Variants in HPCAL1 observed in about 807,000 individuals in gnomAD.
HPCAL1 encodes hippocalcin like 1.
A neutral mutation model predicts 17.1 loss-of-function variants in HPCAL1; 8 were observed. The ratio of observed to expected loss-of-function variants is 0.47; its 90% CI spans 0.27 to 0.84. HPCAL1 has a LOEUF of 0.84. Ranked by LOEUF, HPCAL1 falls within the 40% of genes least tolerant of loss-of-function variation. The pLI, the probability that HPCAL1 is intolerant of heterozygous loss-of-function variation, is 0.13. For synonymous variants in HPCAL1, 112 were observed against 111.4 expected (o/e 1.01, Z -0.03); for missense variants, 165 against 271.1 (o/e 0.61, Z 2.75).
chr2:10,372,693 G>A (rs941497382), intron 1 of HPCAL1, among the ~76,000 whole-genome samples: 6 of 152,180 alleles, frequency 3.9e-5, no homozygotes, highest in Non-Finnish European at 7.4e-5. Context: ...GGGTCCCATC[G>A]CTCTCCGTCA....
chr2:10,329,900 A>G (rs1033545631), intron 1 of HPCAL1, among the ~76,000 whole-genome samples: 4 of 152,252 alleles, frequency 2.6e-5, no homozygotes, highest in African/African-American at 9.6e-5. Flanking sequence ...AGACAGCTCC[A>G]GGCCCTGCCT....
chr2:10,308,973 G>T (rs1038772943), intron 1 of HPCAL1, among the ~76,000 whole-genome samples: 2 of 152,132 alleles, frequency 1.3e-5, no homozygotes, highest in Non-Finnish European at 2.9e-5. Flanking sequence ...GGGTGCTGAG[G>T]TGGGAGGATT....
chr2:10,309,699 C>T (rs1037496846), intron 1 of HPCAL1, among the ~76,000 whole-genome samples: 12 of 152,176 alleles, frequency 7.9e-5, no homozygotes, highest in South Asian at 2.1e-4. Flanking sequence ...TGGGGGAGGG[C>T]GTTGAATGCA....
intron 1 of HPCAL1, among the ~76,000 whole-genome samples, chr2:10,392,065 C>T (rs888298164): frequency 7.2e-5 from 11 of 151,726 alleles, no homozygotes; most frequent in South Asian, 2.1e-4. Context: ...TTTTTTAAGA[C>T]GTGGTCTCGA....
intron 1 of HPCAL1, among the ~76,000 whole-genome samples, chr2:10,318,272 G>A (rs2125397260): frequency 6.6e-6 from 1 of 152,226 alleles, no homozygotes; most frequent in South Asian, 2.1e-4. Context: ...AGCCACTGTA[G>A]GCCCCAGGTG....
chr2:10,350,011 T>A (rs1665742310), intron 1 of HPCAL1, among the ~76,000 whole-genome samples: 2 of 152,222 alleles, frequency 1.3e-5, no homozygotes, highest in Admixed American at 1.3e-4. Flanking sequence ...ATTTTGTTCA[T>A]GCCTAATTGA....
At chr2:10,420,238 G>T (rs1358830800) in intron 3 of HPCAL1, 103 bp downstream of exon 3, 2 of 908,370 alleles carry the variant, frequency 2.2e-6, no homozygotes, top group Non-Finnish European at 3.1e-6. Context: ...TTTTAAGACA[G>T]GAATCTTGCT....
chr2:10,408,222 G>A (rs1670094787), intron 2 of HPCAL1, among the ~76,000 whole-genome samples: 2 of 152,318 alleles, frequency 1.3e-5, no homozygotes, highest in South Asian at 4.1e-4. Flanking sequence ...GGAAAAGAAG[G>A]AGAGATTGGT....
intron 2 of HPCAL1, among the ~76,000 whole-genome samples, chr2:10,403,423 G>C (rs1669755406): frequency 6.6e-6 from 1 of 151,522 alleles, no homozygotes; most frequent in Non-Finnish European, 1.5e-5. Context: ...TTCTGCAGTT[G>C]AAAATGATGC....
intron 1 of HPCAL1, among the ~76,000 whole-genome samples, chr2:10,375,087 A>G (rs1264142054): frequency 6.6e-6 from 1 of 152,126 alleles, no homozygotes; most frequent in Non-Finnish European, 1.5e-5. Context: ...AAATACTAGA[A>G]AGTCACAGAA....
rs1668206688 is a variant in HPCAL1 at position 10,384,851 on chromosome 2, G to T, written c.-110-11984G>T. ...AGATAGAGGCGACAGGCTGGGTGCG[G>T]TGGCTCATGCCTGTAATCCCAACGC... On this transcript the variant is annotated intron_variant, in intron 1 of 4. Transcript: ENST00000307845. The surrounding 1 kb of genome is among the most constrained non-coding windows in gnomAD (Gnocchi z 4.4). Among the ~76,000 whole-genome samples the T allele has an allele frequency of 6.6e-6, 1 of 152,206 alleles. No homozygotes were observed. The highest frequency in any genetic ancestry group is 1.5e-5 in the Non-Finnish European group (1 of 68,042).
intron 1 of HPCAL1, among the ~76,000 whole-genome samples, chr2:10,372,509 G>T (rs967447921): frequency 2.0e-5 from 3 of 152,106 alleles, no homozygotes; most frequent in Non-Finnish European, 4.4e-5. Context: ...CTCCCAGTTG[G>T]ATCGGGGAGG....
At chr2:10,328,527 A>G in intron 1 of HPCAL1, among the ~76,000 whole-genome samples, 1 of 152,198 alleles carries the variant, frequency 6.6e-6, no homozygotes, top group East Asian at 1.9e-4. Flanking sequence ...GAACCCAGCT[A>G]GAACAAAAAT....
At position 10,330,243 on chromosome 2, in the gene HPCAL1, G is replaced by A. The variant is rs1664272696; in HGVS notation, c.-111+27066G>A. The A allele has an allele frequency of 6.6e-6, 1 of 152,216 alleles. No individual in the cohort carries two copies. The highest frequency in any genetic ancestry group is 6.5e-5 in the Admixed American group (1 of 15,268). The allele number at this position is 152,216 out of a possible 1,614,324, so 9.4% of individuals were successfully genotyped here. ...GTGCTCAGAAGGTCCCAGTCTAGAT[G>A]CTTCTGACATGGACAAAAGGAGAAT... is the stretch of plus-strand genomic sequence containing the variant. On this transcript the variant is annotated intron_variant, in intron 1 of 4. Transcript: ENST00000307845. The surrounding 1 kb of genome is among the most constrained non-coding windows in gnomAD (Gnocchi z 4.2).
Position 10,395,435 on chromosome 2 carries a change from C to T in HPCAL1, c.-110-1400C>T, listed in dbSNP as rs1294188466. 6.7e-6 allele frequency among the ~76,000 whole-genome samples: 1 copy of T among 149,354 alleles called. No individual in the cohort carries two copies. Among genetic ancestry groups the T allele is most frequent in the East Asian group, 2.0e-4 (1 of 4,954 alleles). ...GCATAGACGTGAAACGGACGATTTC[C>T]TGACCTTGTGGCGCTCACAGTCAGG... On this transcript the variant is annotated intron_variant, in intron 1 of 4. Coordinates refer to ENST00000307845, the MANE Select transcript of HPCAL1 (RefSeq NM_002149.4). This position sits in a 1 kb window ranked among gnomAD's most constrained non-coding sequence, Gnocchi z 4.4.
chr2:10,346,346 T>A (rs1257006942), intron 1 of HPCAL1, among the ~76,000 whole-genome samples: 1 of 152,190 alleles, frequency 6.6e-6, no homozygotes, highest in Non-Finnish European at 1.5e-5. Flanking sequence ...GGGGATGGAA[T>A]GGGACTGACC....
At chr2:10,333,842 G>C (rs550624588) in intron 1 of HPCAL1, among the ~76,000 whole-genome samples, 19 of 152,270 alleles carry the variant, frequency 1.2e-4, no homozygotes, top group African/African-American at 4.1e-4. Context: ...CATAGGTGAA[G>C]AGACCTAATG....
intron 3 of HPCAL1, 128 bp downstream of exon 3, chr2:10,420,263 G>A: frequency 3.6e-6 from 3 of 830,366 alleles, no homozygotes; most frequent in South Asian, 1.9e-5. Flanking sequence ...TGACTGGAGT[G>A]CAGTGGCACT....
At chr2:10,387,487 G>A (rs1668392603) in intron 1 of HPCAL1, among the ~76,000 whole-genome samples, 1 of 152,222 alleles carries the variant, frequency 6.6e-6, no homozygotes, top group African/African-American at 2.4e-5. Context: ...CATCTAGGTG[G>A]GCACAGGGAC....
Sources: gnomAD v4.1 joint callset for allele counts (sites outside exome capture counted in the v4.1 genomes callset) on GRCh38, gnomAD v4.1.1 for gene constraint, Gnocchi (gnomAD v3.1) non-coding constraint, MANE v1.5 for transcripts, NCBI Gene and HGNC (gene_info 2026-07-23, HGNC 2026-07-21) for gene names.